Variants in CEP44 observed in about 807,000 individuals in gnomAD.
CEP44 encodes centrosomal protein 44.
A neutral mutation model predicts 46.7 loss-of-function variants in CEP44; 45 were observed. The observed-to-expected ratio is 0.96, with a 90% CI of 0.76 to 1.24. The LOEUF (loss-of-function observed/expected upper bound fraction) is 1.24, where lower values mean the gene tolerates loss of function less well. CEP44 is among the 50% of genes most tolerant of loss of function. CEP44 has a pLI of 0.00. For synonymous variants in CEP44, 142 were observed against 146.0 expected (o/e 0.97, Z 0.20); for missense variants, 475 against 459.7 (o/e 1.03, Z -0.30).
intron 2 of CEP44, among the ~76,000 whole-genome samples, chr4:174,298,779 T>TAA (rs368078048): frequency 0.016 from 2,371 of 151,452 alleles, 26 homozygotes; most frequent in African/African-American, 0.027. Context: ...GCTTTATGCT[T>TAA]AAAAAAAAAC....
At chr4:174,284,931 A>T (rs1002891682) in intron 1 of CEP44, among the ~76,000 whole-genome samples, 11 of 152,316 alleles carry the variant, frequency 7.2e-5, no homozygotes, top group African/African-American at 2.4e-4. Flanking sequence ...CTAAACAAAA[A>T]TCACTCTGGT....
At chr4:174,291,787 CTTTTTT>C (rs56201469) in intron 1 of CEP44, among the ~76,000 whole-genome samples, 10 of 46,406 alleles carry the variant, frequency 2.2e-4, no homozygotes, top group African/African-American at 4.1e-4. Flanking sequence ...TTTTTCTTTT[CTTTTTT>C]TTTTTTTTTT....
At chr4:174,327,188 T>TAGAG (rs142198551) in intron 8 of CEP44, among the ~76,000 whole-genome samples, 4 of 148,032 alleles carry the variant, frequency 2.7e-5, no homozygotes, top group East Asian at 3.9e-4. Context: ...TATATATATT[T>TAGAG]AGAGAGAGAG....
intron 1 of CEP44, among the ~76,000 whole-genome samples, chr4:174,294,539 G>A (rs1459735098): frequency 3.3e-5 from 5 of 150,854 alleles, no homozygotes; most frequent in Admixed American, 6.6e-5. Context: ...ATCATGGCCC[G>A]TTCTCAATGA....
At chr4:174,332,614 A>C (rs1731373724) in exon 9 of CEP44, 1 of 152,208 alleles carries the variant, frequency 6.6e-6, no homozygotes, top group South Asian at 2.1e-4. Context: ...CCATATCTTA[A>C]AGTGTCAGAT....
At chr4:174,322,246 CT>C (rs897257680), downstream of CEP44, among the ~76,000 whole-genome samples, 32 of 152,190 alleles carry the variant, frequency 2.1e-4, no homozygotes, top group African/African-American at 7.0e-4. Context: ...AATCATCATT[CT>C]CTTCCACCTT....
downstream of CEP44, among the ~76,000 whole-genome samples, chr4:174,324,166 T>G (rs959250387): frequency 1.5e-4 from 23 of 152,238 alleles, 1 homozygote; most frequent in South Asian, 2.5e-3. Flanking sequence ...TATTTAGTCT[T>G]TTGTGTCTGG....
At chr4:174,294,875 C>T (rs569629042) in intron 1 of CEP44, among the ~76,000 whole-genome samples, 1,893 of 142,120 alleles carry the variant, frequency 0.013, 37 homozygotes, top group African/African-American at 0.047. Flanking sequence ...ACCTCCCTCC[C>T]GGACGGGGCG....
At chr4:174,292,690 C>T (rs1380446120) in intron 1 of CEP44, among the ~76,000 whole-genome samples, 2 of 152,026 alleles carry the variant, frequency 1.3e-5, no homozygotes, top group African/African-American at 4.8e-5. Flanking sequence ...TCATTGTATC[C>T]TTCAGCTCTA....
At chr4:174,313,161 TG>T (rs140537130) in intron 9 of CEP44, among the ~76,000 whole-genome samples, 7,727 of 152,078 alleles carry the variant, frequency 0.051, 617 homozygotes, top group African/African-American at 0.17. Context: ...ATGGTGCCCT[TG>T]TTTTGTCTAT....
At position 174,329,585 on chromosome 4, in the gene CEP44, G is replaced by A. The variant is rs937349795; in HGVS notation, c.1087-1897G>A. ...ATAATGTTCTCACACTTTATAGCTT[G>A]AAGAATGTACTTTACTCATGGGAAC... On this transcript the variant is annotated intron_variant, in intron 8 of 8. Coordinates refer to the CEP44 transcript ENST00000426172. This position sits in a 1 kb window ranked among gnomAD's most constrained non-coding sequence, Gnocchi z 4.0. 1.3e-5 allele frequency among the ~76,000 whole-genome samples: 2 copies of A among 152,098 alleles called. No homozygotes were observed. The highest frequency in any genetic ancestry group is 2.9e-5 in the Non-Finnish European group (2 of 68,024).
At chr4:174,332,738 A>C (rs1731378957) in exon 9 of CEP44, 1 of 152,186 alleles carries the variant, frequency 6.6e-6, no homozygotes. Flanking sequence ...CTAGACACAG[A>C]GTGTGCCTTA....
Position 174,318,466 on chromosome 4 carries a change from A to G in CEP44, c.*1083A>G, listed in dbSNP as rs1306743669. 2.7e-5 allele frequency: 26 copies of G among 968,024 alleles called. No homozygotes were observed. Among genetic ancestry groups the G allele is most frequent in the Non-Finnish European group, 3.2e-5 (26 of 814,662 alleles). 60.0% of individuals were successfully genotyped at this position (968,024 alleles called of 1,614,324 possible). A position where few individuals can be genotyped will look rare whatever the true frequency, so the allele number is the denominator to read the frequency against. ...TTTTGGAGAGAAAAGTCTTAGCTGA[A>G]GGTAAATCAATGGAAAAATGAAATT... is the stretch of plus-strand genomic sequence containing the variant. On this transcript the variant is annotated 3_prime_UTR_variant, in exon 12 of 12. Coordinates refer to ENST00000503780, the MANE Select transcript of CEP44 (RefSeq NM_001040157.3).
rs1406694887 is a variant in CEP44, at chr4:174,325,886, A to T, written c.1087-5596A>T. Among the ~76,000 whole-genome samples the T allele has an allele frequency of 1.3e-5, 2 of 152,154 alleles. No individual in the cohort carries two copies. Among genetic ancestry groups the T allele is most frequent in the African/African-American group, 4.8e-5 (2 of 41,438 alleles). On this transcript the variant is annotated intron_variant, in intron 8 of 8. Transcript: ENST00000426172. This position sits in a 1 kb window ranked among gnomAD's most constrained non-coding sequence, Gnocchi z 4.4. ...CTGATATCTATGTTGTCTGACAGCT[A>T]TTCCAGATTTCTCTTAGGAAGTGTT... is the stretch of plus-strand genomic sequence containing the variant.
intron 8 of CEP44, among the ~76,000 whole-genome samples, chr4:174,328,399 G>C (rs1042927011): frequency 6.6e-6 from 1 of 152,218 alleles, no homozygotes; most frequent in Non-Finnish European, 1.5e-5. Flanking sequence ...GTTTTTCTAA[G>C]AAATAAATTT....
chr4:174,291,782 C>CTTTTTTTTTTTTTTTT (rs1208425482), intron 1 of CEP44, among the ~76,000 whole-genome samples: 67 of 81,608 alleles, frequency 8.2e-4, no homozygotes, highest in South Asian at 2.6e-3. Flanking sequence ...TTATCTTTTT[C>CTTTTTTTTTTTTTTTT]TTTTCTTTTT....
rs1741702003 is a variant in CEP44, at chr4:174,316,261, A to G, written c.1057A>G (p.Asn353Asp). The stretch of plus-strand genomic sequence containing the variant: ...TTCAACTCCCAGAGCCTCTACTGTT[A>G]ATTACTGTGGTTTGAATGAGATTTC... ...SDSTPRASTVNYCGLNEISEE... is the reference protein window; with the variant it reads ...SDSTPRASTVDYCGLNEISEE... Residue 353 changes from asparagine to aspartate, a missense_variant, in exon 10 of 12, where the codon AAT (asparagine) becomes GAT (aspartate). By Grantham distance (23) the Asn-to-Asp change is conservative (BLOSUM62 1). Transcript: ENST00000503780. 3 of 1,611,244 alleles carry G rather than the reference A, an allele frequency of 1.9e-6. No homozygotes were observed. Among genetic ancestry groups the G allele is most frequent in the Non-Finnish European group, 2.5e-6 (3 of 1,177,534 alleles).
At chr4:174,327,261 C>T (rs1349385573) in intron 8 of CEP44, among the ~76,000 whole-genome samples, 1 of 150,550 alleles carries the variant, frequency 6.6e-6, no homozygotes, top group Admixed American at 6.6e-5. Context: ...TGTGCATGAA[C>T]TTTATGTAGA....
At chr4:174,299,958 T>C (rs1739521326) in intron 3 of CEP44, among the ~76,000 whole-genome samples, 1 of 152,214 alleles carries the variant, frequency 6.6e-6, no homozygotes, top group Non-Finnish European at 1.5e-5. Flanking sequence ...TAAATGTTCA[T>C]TGGTTACTAG....
Sources: allele counts gnomAD v4.1 joint callset (sites outside exome capture counted in the v4.1 genomes callset), GRCh38; gene constraint gnomAD v4.1.1; non-coding constraint Gnocchi (gnomAD v3.1); transcripts MANE v1.5; gene names NCBI Gene and HGNC (gene_info 2026-07-23, HGNC 2026-07-21).